SHQ1: variants seen among roughly 807,000 people sequenced by gnomAD.
SHQ1 encodes SHQ1, H/ACA ribonucleoprotein assembly factor.
In SHQ1, 49 loss-of-function variants were observed where a neutral mutation model predicts 53.8. The observed-to-expected ratio is 0.91, with a 90% CI of 0.72 to 1.16. The LOEUF (loss-of-function observed/expected upper bound fraction) is 1.16, where lower values mean the gene tolerates loss of function less well. Among genes scored for constraint, SHQ1 ranks in the 50% most tolerant of loss-of-function variants. The pLI, the probability that SHQ1 is intolerant of heterozygous loss-of-function variation, is 0.00. For synonymous variants in SHQ1, 243 were observed against 251.0 expected, an observed-to-expected ratio of 0.97 and a Z score of 0.30; for missense variants, 738 against 683.1, an observed-to-expected ratio of 1.08 and a Z score of -0.90.
intron 6 of SHQ1, 124 bp from the exon 7 acceptor site, chr3:72,817,508 A>G: frequency 1.2e-6 from 1 of 869,404 alleles, no homozygotes; most frequent in South Asian, 1.8e-5. Context: ...CTACTTAACT[A>G]TGGATATATA....
At chr3:72,791,721 GTTTTT>G (rs201572827) in intron 10 of SHQ1, among the ~76,000 whole-genome samples, 3 of 148,490 alleles carry the variant, frequency 2.0e-5, no homozygotes, top group Non-Finnish European at 1.5e-5. Context: ...TTTTTGTTTT[GTTTTT>G]TTTTTAATAC....
At position 72,765,557 on chromosome 3, in the gene SHQ1, A is replaced by ATTTTTTTT. The variant is rs61074795; in HGVS notation, c.1182-14729_1182-14722dup. On this transcript the variant is annotated intron_variant, in intron 10 of 10. Coordinates refer to ENST00000325599, the MANE Select transcript of SHQ1 (RefSeq NM_018130.3). Reference sequence around the variant, plus strand: ...TATATATATATATATATATATATATATTTTTTTTTTTTTTTTGAGACAGTC... The same window carrying ATTTTTTTT: ...TATATATATATATATATATATATATATTTTTTTTTTTTTTTTTTTTTTTTGAGACAGTC... Among the ~76,000 whole-genome samples the ATTTTTTTT allele has an allele frequency of 5.2e-5, 3 of 57,186 alleles. 1 individual carries two copies. Among genetic ancestry groups the ATTTTTTTT allele is most frequent in the African/African-American group, 2.4e-4 (3 of 12,628 alleles). 37.5% of individuals were successfully genotyped at this position (57,186 alleles called of 152,430 possible).
chr3:72,840,205 T>C (rs1447235198), intron 4 of SHQ1, among the ~76,000 whole-genome samples: 2 of 127,512 alleles, frequency 1.6e-5, no homozygotes, highest in East Asian at 4.5e-4. Context: ...TGAGCCAAGA[T>C]CGTGCCACTG....
intron 5 of SHQ1, 47 bp downstream of exon 5, chr3:72,832,322 A>G: frequency 7.1e-7 from 1 of 1,415,176 alleles, no homozygotes; most frequent in Non-Finnish European, 1.0e-6. Context: ...AAATTTTAAA[A>G]TAAATGTCAA....
At chr3:72,839,680 C>T (rs1179414890) in intron 4 of SHQ1, among the ~76,000 whole-genome samples, 7 of 152,174 alleles carry the variant, frequency 4.6e-5, no homozygotes, top group African/African-American at 1.7e-4. Context: ...GGAGCGGGAC[C>T]AGAACCCAGG....
At chr3:72,803,079 T>C in intron 9 of SHQ1, among the ~76,000 whole-genome samples, 1 of 152,032 alleles carries the variant, frequency 6.6e-6, no homozygotes, top group East Asian at 1.9e-4. Flanking sequence ...TCCAAGAGGG[T>C]ATGAGAAAGA....
chr3:72,812,595 A>G, intron 9 of SHQ1, 76 bp downstream of exon 9: 1 of 1,548,664 alleles, frequency 6.5e-7, no homozygotes, highest in Non-Finnish European at 8.8e-7. Context: ...AAAAGCAAAA[A>G]TCATTATTAT....
intron 4 of SHQ1, among the ~76,000 whole-genome samples, chr3:72,840,229 T>C (rs576307227): frequency 0.028 from 2,967 of 104,184 alleles, 120 homozygotes; most frequent in African/African-American, 0.094. Context: ...TCCAGCAAAG[T>C]GAGACTCTGT....
At chr3:72,797,236 C>T (rs1575701354) in intron 9 of SHQ1, among the ~76,000 whole-genome samples, 2 of 151,980 alleles carry the variant, frequency 1.3e-5, no homozygotes, top group Admixed American at 6.5e-5. Flanking sequence ...CAAGCCTGCA[C>T]GACTTGAGAG....
chr3:72,790,712 CAAAT>C (rs1006664471), intron 10 of SHQ1, among the ~76,000 whole-genome samples: 23 of 151,936 alleles, frequency 1.5e-4, no homozygotes, highest in African/African-American at 4.8e-5. Context: ...ATTAGATAAA[CAAAT>C]GTTTTATTTC....
rs144893336 is a variant in SHQ1, at chr3:72,757,573, T to C, written c.1182-6737A>G. ...CCCGGCTTCAACTTTCTGAAGGGCA[T>C]TTACTGCACATCAATGGTAGACTGG... On this transcript the variant is annotated intron_variant, in intron 10 of 10. Transcript: ENST00000325599. 3.4e-3 allele frequency among the ~76,000 whole-genome samples: 523 copies of C among 152,158 alleles called. 2 individuals are homozygous for C. The highest frequency in any genetic ancestry group is 4.4e-3 in the Non-Finnish European group (300 of 67,994).
intron 10 of SHQ1, among the ~76,000 whole-genome samples, chr3:72,754,337 A>G (rs564463653): frequency 3.3e-5 from 5 of 151,250 alleles, no homozygotes; most frequent in Non-Finnish European, 7.4e-5. Flanking sequence ...AGGGCCTCCC[A>G]TGAATATACA....
intron 10 of SHQ1, among the ~76,000 whole-genome samples, chr3:72,751,166 T>A (rs1204144690): frequency 6.6e-6 from 1 of 152,130 alleles, no homozygotes; most frequent in Non-Finnish European, 1.5e-5. Flanking sequence ...ACCCCAGCAC[T>A]TTGGGAGGCT....
intron 6 of SHQ1, among the ~76,000 whole-genome samples, chr3:72,823,957 A>G (rs1350238357): frequency 6.6e-6 from 1 of 152,194 alleles, no homozygotes; most frequent in Non-Finnish European, 1.5e-5. Context: ...TTTCTAATGT[A>G]TAGTCTTAAT....
At chr3:72,790,452 CAAACT>C (rs992708486) in intron 10 of SHQ1, among the ~76,000 whole-genome samples, 11 of 152,118 alleles carry the variant, frequency 7.2e-5, no homozygotes, top group African/African-American at 2.4e-4. Flanking sequence ...TCAAAAACAT[CAAACT>C]AAACTAAGAA....
At chr3:72,794,726 T>C (rs1223756704) in intron 9 of SHQ1, 2 of 152,238 alleles carry the variant, frequency 1.3e-5, no homozygotes, top group African/African-American at 4.8e-5. Flanking sequence ...ACAGACTTGT[T>C]TCCATGCCTT....
intron 10 of SHQ1, among the ~76,000 whole-genome samples, chr3:72,769,835 C>T (rs754190366): frequency 2.6e-5 from 4 of 152,126 alleles, no homozygotes; most frequent in Non-Finnish European, 2.9e-5. Context: ...GTTCTGAAGT[C>T]GGCAAACAAC....
chr3:72,750,896 G>C (rs1705352331), intron 10 of SHQ1, 60 bp from the exon 11 acceptor site: 2 of 1,367,618 alleles, frequency 1.5e-6, no homozygotes, highest in Non-Finnish European at 1.9e-6. Context: ...GGGGATAACA[G>C]GTTATACAGC....
rs1259056268 is a variant in SHQ1 at position 72,848,306 on chromosome 3, G to C, written c.35C>G (p.Pro12Arg). Residue 12 changes from proline to arginine, a missense_variant, in exon 1 of 11, where the codon CCG becomes CGG. Physicochemically the swap from Pro to Arg is moderately radical, Grantham distance 103. Coordinates refer to ENST00000325599, the MANE Select transcript of SHQ1 (RefSeq NM_018130.3). ...LTPAFDLSQD[P>R]DFLTIAIRVP... ...GCGGATGGCGATAGTCAGGAAGTCC[G>C]GATCCTGGCTGAGGTCGAACGCCGG... 2 of 1,614,120 alleles carry C rather than the reference G, an allele frequency of 1.2e-6. No individual in the cohort carries two copies. Among genetic ancestry groups the C allele is most frequent in the African/African-American group, 1.3e-5 (1 of 75,028 alleles).
Sources: gnomAD v4.1 joint callset for allele counts (sites outside exome capture counted in the v4.1 genomes callset) on GRCh38, gnomAD v4.1.1 for gene constraint, MANE v1.5 for transcripts, NCBI Gene and HGNC (gene_info 2026-07-23, HGNC 2026-07-21) for gene names.